DPH6: variants seen among roughly 807,000 people sequenced by gnomAD.
DPH6 encodes diphthine--ammonia ligase.
Under a neutral mutation model 38.2 loss-of-function variants are expected in DPH6, and 33 were observed. The ratio of observed to expected loss-of-function variants is 0.86; its 90% CI spans 0.65 to 1.15. The LOEUF (loss-of-function observed/expected upper bound fraction) is 1.15, where lower values mean the gene tolerates loss of function less well. DPH6 is among the 50% of genes most tolerant of loss of function. DPH6 has a pLI of 0.00. For synonymous variants in DPH6, 108 were observed against 103.0 expected (o/e 1.05, Z -0.30); for missense variants, 325 against 320.0 (o/e 1.02, Z -0.12).
chr15:35,307,347 T>G (rs138256792), intron 3 of DPH6, among the ~76,000 whole-genome samples: 20 of 152,200 alleles, frequency 1.3e-4, no homozygotes, highest in African/African-American at 4.3e-4. Context: ...CAAAGAATTC[T>G]CTATTATTAA....
the DPH6 span, among the ~76,000 whole-genome samples, chr15:35,165,734 T>C: frequency 6.6e-6 from 1 of 151,934 alleles, no homozygotes; most frequent in Non-Finnish European, 1.5e-5. Context: ...TCTTAAGTCA[T>C]TGTGATCAGT....
At chr15:35,227,174 CTTTTTTTTTTTT>C (rs71415001) in intron 3 of DPH6, among the ~76,000 whole-genome samples, 43 of 77,034 alleles carry the variant, frequency 5.6e-4, no homozygotes, top group African/African-American at 1.7e-3. Context: ...ATAACATCTT[CTTTTTTTTTTTT>C]TTTTTTTTTT....
intron 5 of DPH6, 61 bp downstream of exon 5, chr15:35,450,624 T>C (rs567923256): frequency 4.6e-6 from 6 of 1,304,124 alleles, no homozygotes; most frequent in Non-Finnish European, 6.6e-6. Flanking sequence ...TAACTACTTA[T>C]TAGTGAACTG....
intron 7 of DPH6, among the ~76,000 whole-genome samples, chr15:35,378,670 T>C (rs1258668650): frequency 1.3e-5 from 2 of 152,118 alleles, no homozygotes; most frequent in Non-Finnish European, 2.9e-5. Context: ...GTTCATGTCC[T>C]TTCAGGGACA....
At chr15:35,489,574 G>A in intron 3 of DPH6, 1 of 982,610 alleles carries the variant, frequency 1.0e-6, no homozygotes, top group Non-Finnish European at 1.2e-6. Flanking sequence ...AAATTTTTCT[G>A]AATAATCATA....
At chr15:35,532,020 C>T (rs899226602) in intron 3 of DPH6, among the ~76,000 whole-genome samples, 1 of 152,084 alleles carries the variant, frequency 6.6e-6, no homozygotes. Context: ...TAAATTAGGG[C>T]AGGTTTCACA....
chr15:35,522,277 C>G, intron 3 of DPH6: 1 of 1,612,238 alleles, frequency 6.2e-7, no homozygotes. Context: ...TCTAGTGATG[C>G]CCTGGAAATG....
At chr15:35,230,185 C>T (rs1002325124) in intron 3 of DPH6, among the ~76,000 whole-genome samples, 21 of 152,168 alleles carry the variant, frequency 1.4e-4, no homozygotes, top group African/African-American at 4.8e-4. Context: ...ACCTTAGAAG[C>T]CCACCTGGTG....
intron 5 of DPH6, among the ~76,000 whole-genome samples, chr15:35,439,786 G>GA (rs796079886): frequency 0.027 from 3,821 of 142,496 alleles, 97 homozygotes; most frequent in African/African-American, 0.068. Flanking sequence ...TTTAAAAAAG[G>GA]AAAAAAAAAA....
chr15:35,524,659 A>G (rs2141244041), intron 3 of DPH6, among the ~76,000 whole-genome samples: 1 of 152,220 alleles, frequency 6.6e-6, no homozygotes, highest in Middle Eastern at 3.4e-3. Flanking sequence ...ACTTATCTGC[A>G]AAGGGTTGAT....
intron 6 of DPH6, among the ~76,000 whole-genome samples, chr15:35,388,434 T>A (rs2053003484): frequency 6.6e-6 from 1 of 152,238 alleles, no homozygotes. Context: ...CTCCTCCTTG[T>A]ATCTCTGGTA....
At chr15:35,342,198 C>G (rs2052427199) in intron 3 of DPH6, among the ~76,000 whole-genome samples, 1 of 152,184 alleles carries the variant, frequency 6.6e-6, no homozygotes, top group Admixed American at 6.5e-5. Flanking sequence ...TGCTGGAGAT[C>G]CCGGGACCAG....
the DPH6 span, among the ~76,000 whole-genome samples, chr15:35,172,179 T>A: frequency 6.6e-6 from 1 of 152,186 alleles, no homozygotes; most frequent in African/African-American, 2.4e-5. Flanking sequence ...TATTTTACAA[T>A]ATTTTTAATA....
chr15:35,200,021 G>A, the DPH6 span, among the ~76,000 whole-genome samples: 3 of 151,742 alleles, frequency 2.0e-5, no homozygotes, highest in African/African-American at 4.8e-5. Flanking sequence ...CTTTTCCCAT[G>A]GAGGAAGTCA....
At chr15:35,272,831 C>T (rs1350267279) in intron 3 of DPH6, among the ~76,000 whole-genome samples, 4 of 151,688 alleles carry the variant, frequency 2.6e-5, no homozygotes, top group South Asian at 2.1e-4. Context: ...CGCTTGAACC[C>T]GGGAGGCAGA....
intron 3 of DPH6, among the ~76,000 whole-genome samples, chr15:35,516,288 T>C (rs1389097825): frequency 6.6e-6 from 1 of 152,180 alleles, no homozygotes; most frequent in Admixed American, 6.5e-5. Flanking sequence ...ATGAAGTTAG[T>C]TAAATATGAG....
chr15:35,512,812 T>G (rs1388876474), intron 3 of DPH6, among the ~76,000 whole-genome samples: 1 of 152,156 alleles, frequency 6.6e-6, no homozygotes, highest in East Asian at 1.9e-4. Flanking sequence ...CCAATATGTT[T>G]CAATGGCCTT....
chr15:35,448,546 A>C (rs868534927), intron 5 of DPH6, among the ~76,000 whole-genome samples: 8 of 152,302 alleles, frequency 5.3e-5, no homozygotes, highest in Admixed American at 2.0e-4. Flanking sequence ...CCTGAAAAAA[A>C]GGATGTTCTA....
chr15:35,295,909 T>C (rs2052011458), intron 3 of DPH6, among the ~76,000 whole-genome samples: 1 of 151,094 alleles, frequency 6.6e-6, no homozygotes, highest in Non-Finnish European at 1.5e-5. Context: ...TTACTTACTA[T>C]GTCTATTTTA....
Sources: gnomAD v4.1 joint callset for allele counts (sites outside exome capture counted in the v4.1 genomes callset) on GRCh38, gnomAD v4.1.1 for gene constraint, MANE v1.5 for transcripts, NCBI Gene and HGNC (gene_info 2026-07-23, HGNC 2026-07-21) for gene names.